CFAP299: variants seen among roughly 807,000 people sequenced by gnomAD.
The protein encoded by CFAP299 is cilia- and flagella-associated protein 299.
Under a neutral mutation model 27.0 loss-of-function variants are expected in CFAP299, and 21 were observed. The ratio of observed to expected loss-of-function variants is 0.78; its 90% CI spans 0.55 to 1.12. The LOEUF (loss-of-function observed/expected upper bound fraction) is 1.12. Among genes scored for constraint, CFAP299 ranks in the 50% most tolerant of loss-of-function variants. The probability of loss-of-function intolerance (pLI) is 0.00; values close to 1 mark genes in which losing one functional copy is unlikely to be tolerated. For synonymous variants in CFAP299, 104 were observed against 98.1 expected, an observed-to-expected ratio of 1.06 and a Z score of -0.36; for missense variants, 310 against 276.6, an observed-to-expected ratio of 1.12 and a Z score of -0.86.
intron 2 of CFAP299, among the ~76,000 whole-genome samples, chr4:80,448,590 T>C (rs1560572332): frequency 6.6e-6 from 1 of 152,140 alleles, no homozygotes; most frequent in South Asian, 2.1e-4. Flanking sequence ...AAGTTCTTTT[T>C]TCTTCTCTTA....
At chr4:80,656,906 A>C (rs1156646960) in intron 3 of CFAP299, among the ~76,000 whole-genome samples, 1 of 152,204 alleles carries the variant, frequency 6.6e-6, no homozygotes, top group East Asian at 1.9e-4. Context: ...TGACTTTTTA[A>C]TGATCACCAT....
chr4:80,844,226 G>T (rs1731035178), intron 3 of CFAP299, among the ~76,000 whole-genome samples: 1 of 152,114 alleles, frequency 6.6e-6, no homozygotes, highest in Non-Finnish European at 1.5e-5. Context: ...GTGTGTATGT[G>T]TCTTTATAGC....
At chr4:80,359,871 G>A (rs1305319628) in intron 1 of CFAP299, among the ~76,000 whole-genome samples, 1 of 152,196 alleles carries the variant, frequency 6.6e-6, no homozygotes, top group Non-Finnish European at 1.5e-5. Context: ...GAGAAGTGAT[G>A]TGGTCATTAA....
intron 2 of CFAP299, among the ~76,000 whole-genome samples, chr4:80,489,774 C>A (rs1027122299): frequency 6.6e-6 from 1 of 152,162 alleles, no homozygotes; most frequent in South Asian, 2.1e-4. Context: ...ACATGCATAT[C>A]GTTATGATCT....
chr4:80,834,295 G>A (rs936669072), intron 3 of CFAP299, among the ~76,000 whole-genome samples: 1 of 152,146 alleles, frequency 6.6e-6, no homozygotes, highest in African/African-American at 2.4e-5. Context: ...GCAGTGACAT[G>A]GTCCCCAAGG....
chr4:80,350,583 C>T (rs1722966525), intron 1 of CFAP299, among the ~76,000 whole-genome samples: 1 of 152,182 alleles, frequency 6.6e-6, no homozygotes, highest in Non-Finnish European at 1.5e-5. Context: ...CACATATACA[C>T]CATGGAATAC....
In CFAP299 at chr4:80,779,652, C is replaced by T. The variant is rs1281400204; in HGVS notation, c.334-90341C>T. On this transcript the variant is annotated intron_variant, in intron 3 of 5. Transcript: ENST00000358105. Reference sequence around the variant, plus strand: ...GGCTGTGGTCTTCTTAACCTTCCTTCAGCCTCTTCCAACCCTGTCTCCACT... The same window carrying T: ...GGCTGTGGTCTTCTTAACCTTCCTTTAGCCTCTTCCAACCCTGTCTCCACT... Among the ~76,000 whole-genome samples the T allele has an allele frequency of 3.8e-4, 57 of 151,992 alleles. 2 individuals carry two copies. The highest frequency in any genetic ancestry group is 3.7e-3 in the Admixed American group (57 of 15,206).
chr4:80,722,560 A>G (rs1331757269), intron 3 of CFAP299, among the ~76,000 whole-genome samples: 1 of 152,228 alleles, frequency 6.6e-6, no homozygotes, highest in Non-Finnish European at 1.5e-5. Context: ...TTCAAAGTAT[A>G]TATCTTTTAA....
intron 3 of CFAP299, among the ~76,000 whole-genome samples, chr4:80,641,656 A>G (rs2109959513): frequency 6.6e-6 from 1 of 152,350 alleles, no homozygotes; most frequent in South Asian, 2.1e-4. Context: ...TTTAATCATC[A>G]ATAAGGAATT....
chr4:80,403,277 G>A (rs1484244807), intron 2 of CFAP299, among the ~76,000 whole-genome samples: 1 of 152,096 alleles, frequency 6.6e-6, no homozygotes, highest in Non-Finnish European at 1.5e-5. Flanking sequence ...GTTTACATAA[G>A]TGCTGAAAAA....
intron 3 of CFAP299, among the ~76,000 whole-genome samples, chr4:80,845,282 T>TG (rs70956068): frequency 0.11 from 17,034 of 151,048 alleles, 1,203 homozygotes; most frequent in Middle Eastern, 0.21. Context: ...CCACACTGTT[T>TG]TTTTTTTTTT....
chr4:80,675,129 T>A (rs918843118), intron 3 of CFAP299, among the ~76,000 whole-genome samples: 2 of 152,238 alleles, frequency 1.3e-5, no homozygotes, highest in Admixed American at 6.5e-5. Flanking sequence ...TTTTCAGCTT[T>A]TCTCCTCTGA....
chr4:80,890,236 A>T (rs75079762), intron 4 of CFAP299, among the ~76,000 whole-genome samples: 7,419 of 152,110 alleles, frequency 0.049, 303 homozygotes, highest in East Asian at 0.15. Context: ...AAACCTAAAG[A>T]CTCCACAAAA....
At chr4:80,855,445 G>A (rs527615400) in intron 3 of CFAP299, among the ~76,000 whole-genome samples, 2 of 151,802 alleles carry the variant, frequency 1.3e-5, no homozygotes, top group East Asian at 1.9e-4. Context: ...TATGGTACAT[G>A]TGCACAATGT....
At chr4:80,647,042 A>G (rs1381989709) in intron 3 of CFAP299, among the ~76,000 whole-genome samples, 1 of 152,028 alleles carries the variant, frequency 6.6e-6, no homozygotes, top group Non-Finnish European at 1.5e-5. Context: ...AAATAGATAT[A>G]GATGTACATA....
intron 2 of CFAP299, among the ~76,000 whole-genome samples, chr4:80,570,432 A>T (rs918542985): frequency 6.6e-6 from 1 of 152,114 alleles, no homozygotes; most frequent in Non-Finnish European, 1.5e-5. Context: ...ACAATACAAT[A>T]TAAATAACAA....
At chr4:80,467,711 T>C (rs772870008) in intron 2 of CFAP299, among the ~76,000 whole-genome samples, 1 of 152,232 alleles carries the variant, frequency 6.6e-6, no homozygotes, top group Non-Finnish European at 1.5e-5. Flanking sequence ...TTAGTTCATT[T>C]TCACACTGCT....
intron 4 of CFAP299, among the ~76,000 whole-genome samples, chr4:80,902,219 A>G (rs925113641): frequency 6.6e-6 from 1 of 151,514 alleles, no homozygotes; most frequent in Non-Finnish European, 1.5e-5. Flanking sequence ...CTCTGGGTCC[A>G]GGATGAAAAT....
At chr4:80,801,866 A>C (rs1305928684) in intron 3 of CFAP299, among the ~76,000 whole-genome samples, 1 of 152,098 alleles carries the variant, frequency 6.6e-6, no homozygotes, top group Non-Finnish European at 1.5e-5. Flanking sequence ...TCTCACATTC[A>C]AGCTCCTGTA....
Sources: gnomAD v4.1 joint callset for allele counts (sites outside exome capture counted in the v4.1 genomes callset) on GRCh38, gnomAD v4.1.1 for gene constraint, MANE v1.5 for transcripts, NCBI Gene and HGNC (gene_info 2026-07-23, HGNC 2026-07-21) for gene names.